NRAP: variants seen among roughly 807,000 people sequenced by gnomAD.
NRAP encodes the protein nebulin-related-anchoring protein.
NRAP carries 189 observed loss-of-function variants against 225.9 expected under a neutral mutation model. The ratio of observed to expected loss-of-function variants is 0.84; its 90% CI spans 0.74 to 0.94. The LOEUF (loss-of-function observed/expected upper bound fraction) is 0.94, where lower values mean the gene tolerates loss of function less well. NRAP is among the 40% of genes least tolerant of loss of function. NRAP has a pLI of 0.00. For synonymous variants in NRAP, 769 were observed against 790.7 expected (o/e 0.97, Z 0.46); for missense variants, 2,176 against 2,168.7 (o/e 1.00, Z -0.07).
chr10:113,662,760 G>T lies in NRAP; in HGVS notation c.174C>A (p.Asn58Lys). The T allele has an allele frequency of 1.3e-6, 2 of 1,566,610 alleles. No homozygotes were observed. Among genetic ancestry groups the T allele is most frequent in the Non-Finnish European group, 1.8e-6 (2 of 1,139,020 alleles). Residue 58 changes from asparagine (N) to lysine (K), a missense_variant, in exon 3 of 42, where the codon AAC (asparagine) becomes AAA (lysine). Physicochemically the swap from Asn to Lys is moderately conservative, Grantham distance 94. Around this residue, in one of 3 missense-constraint regions of NRAP, gnomAD observed 1,708 missense variants for 1,695.5 expected, o/e 1.01. Transcript: ENST00000359988. ...CACTGGTGAAAGTGTTGTTCTTAGG[G>T]TTATGGCTACAACAAATAGGTATAA... is the stretch of plus-strand genomic sequence containing the variant. ...HQKKPYCHAH[N>K]PKNNTFTSVY...
At chr10:113,658,094 G>A (rs1850423417) in intron 3 of NRAP, among the ~76,000 whole-genome samples, 1 of 152,166 alleles carries the variant, frequency 6.6e-6, no homozygotes, top group Non-Finnish European at 1.5e-5. Flanking sequence ...CTACAGTACT[G>A]TTTATGAAAA....
At chr10:113,653,969 A>ATTG (rs770850925) in intron 5 of NRAP, 52 bp downstream of exon 5, 272 of 1,054,392 alleles carry the variant, frequency 2.6e-4, no homozygotes, top group Non-Finnish European at 3.8e-4. Flanking sequence ...AGTCAAACTA[A>ATTG]TTGCTAAGTA....
chr10:113,644,170 G>A lies in NRAP; in HGVS notation c.1111-1132C>T, dbSNP rs1284364292. Among the ~76,000 whole-genome samples, 287 of 43,826 alleles carry A rather than the reference G, an allele frequency of 6.5e-3. 1 individual carries two copies. The highest frequency in any genetic ancestry group is 0.017 in the African/African-American group (258 of 15,592). 28.8% of individuals were successfully genotyped at this position (43,826 alleles called of 152,430 possible). A position where few individuals can be genotyped will look rare whatever the true frequency, so the allele number is the denominator to read the frequency against. On this transcript the variant is annotated intron_variant, in intron 11 of 41. Transcript: ENST00000359988. ...CTCAAAAAAAAAAAAAAAAAAAAAA[G>A]GCCAAAATGTTAACAGTGTTATTCC... is the stretch of plus-strand genomic sequence containing the variant.
intron 23 of NRAP, among the ~76,000 whole-genome samples, chr10:113,623,308 A>G (rs991156517): frequency 6.6e-6 from 1 of 152,194 alleles, no homozygotes; most frequent in Non-Finnish European, 1.5e-5. Flanking sequence ...TACAAATAAT[A>G]AGTCATCACT....
chr10:113,590,844 C>T lies in NRAP; in HGVS notation c.4690G>A (p.Gly1564Arg), dbSNP rs537826540. Residue 1564 changes from glycine (G) to arginine (R), a missense_variant, in exon 40 of 42, where the codon GGG becomes AGG. Gly to Arg is a moderately radical substitution (Grantham distance 125, BLOSUM62 -2). Transcript: ENST00000359988. ...AFLRDRGLQI[G>R]YRSVDDDPRM... Reference sequence around the variant, plus strand: ...GGGTCATCGTCGACACTGCGGTACCCGATCTGCAGGCCTCGGTCCCGCAGG... The same window carrying T: ...GGGTCATCGTCGACACTGCGGTACCTGATCTGCAGGCCTCGGTCCCGCAGG... The T allele has an allele frequency of 2.1e-5, 34 of 1,614,182 alleles. 1 individual carries two copies. Among genetic ancestry groups the T allele is most frequent in the South Asian group, 9.9e-5 (9 of 91,080 alleles).
At chr10:113,594,002 C>A (rs1846141783) in intron 38 of NRAP, among the ~76,000 whole-genome samples, 1 of 152,202 alleles carries the variant, frequency 6.6e-6, no homozygotes, top group Non-Finnish European at 1.5e-5. Context: ...GTACTATTTG[C>A]TTGGTTGTGA....
At chr10:113,620,864 C>G (rs1847947803) in intron 24 of NRAP, among the ~76,000 whole-genome samples, 156 bp from the exon 25 acceptor site, 1 of 152,182 alleles carries the variant, frequency 6.6e-6, no homozygotes, top group African/African-American at 2.4e-5. Context: ...ACAGGTAGGG[C>G]TCCCAAAAGT....
chr10:113,663,481 C>T, intron 1 of NRAP, 35 bp from the exon 2 acceptor site: 1 of 1,273,250 alleles, frequency 7.9e-7, no homozygotes. Context: ...AGCAATTACC[C>T]TTTTCCCCCC....
At chr10:113,625,142 C>A (rs772785244) in intron 21 of NRAP, among the ~76,000 whole-genome samples, 8 of 152,146 alleles carry the variant, frequency 5.3e-5, no homozygotes, top group Non-Finnish European at 1.0e-4. Flanking sequence ...GAGAAAAATG[C>A]AGCAGGGAGC....
intron 9 of NRAP, among the ~76,000 whole-genome samples, chr10:113,649,466 CAG>C (rs1849802230): frequency 2.0e-5 from 3 of 152,276 alleles, no homozygotes; most frequent in South Asian, 2.1e-4. Context: ...CCAGAAAAGA[CAG>C]AGGGATGTGC....
chr10:113,639,254 T>C (rs1849060208), intron 14 of NRAP, among the ~76,000 whole-genome samples: 1 of 152,178 alleles, frequency 6.6e-6, no homozygotes, highest in African/African-American at 2.4e-5. Flanking sequence ...ATTACACATT[T>C]GGAAAGCCCC....
chr10:113,599,061 C>T (rs7898339), intron 35 of NRAP, among the ~76,000 whole-genome samples: 1 of 152,120 alleles, frequency 6.6e-6, no homozygotes, highest in East Asian at 1.9e-4. Context: ...GAAAAAGCCT[C>T]TCTAAGAAAA....
In NRAP at chr10:113,633,119, C is replaced by T. The variant is rs538278632; in HGVS notation, c.1597G>A (p.Val533Met). ...YTLPQDVPQL[V>M]KAKTNAKLFS... Reference sequence around the variant, plus strand: ...AGTTTGGCATTGGTTTTGGCCTTCACCAGCTGAGGAACATCCTGGGGCAAT... The same window carrying T: ...AGTTTGGCATTGGTTTTGGCCTTCATCAGCTGAGGAACATCCTGGGGCAAT... Residue 533 changes from valine (V) to methionine (M), a missense_variant, in exon 16 of 42, where the codon GTG becomes ATG. By Grantham distance (21) the Val-to-Met change is conservative. Coordinates refer to ENST00000359988, the MANE Select transcript of NRAP (RefSeq NM_198060.4). The T allele has an allele frequency of 4.4e-5, 70 of 1,608,900 alleles. No homozygotes were observed. The South Asian group carries it at 7.3e-4, about 17-fold the overall frequency.
At chr10:113,599,371 G>A (rs1244481581) in intron 35 of NRAP, among the ~76,000 whole-genome samples, 1 of 152,104 alleles carries the variant, frequency 6.6e-6, no homozygotes, top group East Asian at 1.9e-4. Context: ...TTTATACCAC[G>A]ATCTTTCAGT....
intron 35 of NRAP, 82 bp downstream of exon 35, chr10:113,604,523 CTAAG>C (rs755784290): frequency 1.7e-5 from 21 of 1,221,124 alleles, no homozygotes; most frequent in Non-Finnish European, 2.4e-5. Flanking sequence ...GCCCAAAAGA[CTAAG>C]GAAGAAGCAG....
intron 24 of NRAP, among the ~76,000 whole-genome samples, chr10:113,621,314 TACAC>T (rs5788033): frequency 0.26 from 38,629 of 150,680 alleles, 5,338 homozygotes; most frequent in East Asian, 0.43. Flanking sequence ...AGGGTGTGTC[TACAC>T]ACACACACAC....
At position 113,628,952 on chromosome 10, in the gene NRAP, C is replaced by G. The variant is rs1304311236; in HGVS notation, c.2110G>C (p.Glu704Gln). Residue 704 changes from glutamate to glutamine, a missense_variant, in exon 20 of 42, where the codon GAA becomes CAA. Coordinates refer to ENST00000359988, the MANE Select transcript of NRAP (RefSeq NM_198060.4). ...GWLTEGSLNL[E>Q]QAKKAGQLVS... ...AGCTGTCCAGCCTTCTTGGCTTGTT[C>G]CAAGTTGAGACTCCCCTCTGTCAGC... 4 of 1,612,502 alleles carry G rather than the reference C, an allele frequency of 2.5e-6. No individual in the cohort carries two copies. Among genetic ancestry groups the G allele is most frequent in the South Asian group, 2.2e-5 (2 of 90,740 alleles).
intron 3 of NRAP, among the ~76,000 whole-genome samples, chr10:113,659,007 T>C (rs149478963): frequency 1.3e-3 from 201 of 152,300 alleles, no homozygotes; most frequent in African/African-American, 4.4e-3. Flanking sequence ...AAAGGATTCT[T>C]GTTCCCTATC....
At chr10:113,662,857 G>A in intron 2 of NRAP, 91 bp from the exon 3 acceptor site, 1 of 554,894 alleles carries the variant, frequency 1.8e-6, no homozygotes, top group South Asian at 2.9e-5. Flanking sequence ...AATAATAACA[G>A]TTATTTTTAA....
Sources: allele counts gnomAD v4.1 joint callset (sites outside exome capture counted in the v4.1 genomes callset), GRCh38; gene constraint gnomAD v4.1.1; regional missense constraint gnomAD v4.1.1; transcripts MANE v1.5; gene names NCBI Gene and HGNC (gene_info 2026-07-23, HGNC 2026-07-21).